Variants in KNSTRN observed in about 807,000 individuals in gnomAD.
KNSTRN encodes kinetochore localized astrin (SPAG5) binding protein, also known as small kinetochore-associated protein.
KNSTRN carries 38 observed loss-of-function variants against 44.7 expected under a neutral mutation model. The ratio of observed to expected loss-of-function variants is 0.85; its 90% CI spans 0.66 to 1.11. The LOEUF is 1.11. Among genes scored for constraint, KNSTRN ranks in the 50% most tolerant of loss-of-function variants. The pLI, the probability that KNSTRN is intolerant of heterozygous loss-of-function variation, is 0.00. For missense variants in KNSTRN, 406 were observed against 375.8 expected (o/e 1.08, Z -0.66); for synonymous variants, 158 against 148.1 (o/e 1.07, Z -0.48).
chr15:40,391,425 G>A, intron 6 of KNSTRN, 68 bp from the exon 7 acceptor site: 3 of 1,240,178 alleles, frequency 2.4e-6, no homozygotes, highest in South Asian at 2.4e-5. Flanking sequence ...GTCCACGGAG[G>A]GTTTTTATTT....
chr15:40,392,552 C>T lies in KNSTRN; in HGVS notation c.822+529C>T, dbSNP rs566334516. 6.3e-4 allele frequency among the ~76,000 whole-genome samples: 96 copies of T among 152,254 alleles called. 1 individual carries two copies. The highest frequency in any genetic ancestry group is 2.2e-3 in the African/African-American group (93 of 41,546). On this transcript the variant is annotated intron_variant, in intron 8 of 8. Coordinates refer to ENST00000249776, the MANE Select transcript of KNSTRN (RefSeq NM_033286.4). ...AAATAAAATTTAGAAAATAGCCAGGCGTGGTGGTACATACCTGTAGTCCCA... is the reference window on the plus strand; with the variant it reads ...AAATAAAATTTAGAAAATAGCCAGGTGTGGTGGTACATACCTGTAGTCCCA...
intron 4 of KNSTRN, among the ~76,000 whole-genome samples, chr15:40,388,489 A>C (rs987202038): frequency 1.3e-5 from 2 of 152,096 alleles, no homozygotes; most frequent in Non-Finnish European, 2.9e-5. Flanking sequence ...TCTCAAGGTC[A>C]GGAGACCATC....
In KNSTRN at chr15:40,382,845, C is replaced by G. The variant is rs767419116; in HGVS notation, c.10C>G (p.Pro4Ala). 1 of 1,609,748 alleles carries G rather than the reference C, an allele frequency of 6.2e-7. No homozygotes were observed. Among genetic ancestry groups the G allele is most frequent in the Non-Finnish European group, 8.5e-7 (1 of 1,179,072 alleles). Residue 4 changes from proline (P) to alanine (A), a missense_variant, in exon 1 of 9, where the codon CCC becomes GCC. Transcript: ENST00000249776. ...GAACCTTCCGTACAGTATGGCGGCT[C>G]CCGAAGCCCCGCCCCTGGACAGAGT... MAA[P>A]EAPPLDRVFR...
At chr15:40,389,046 AAGGCCTCAGGG>A in intron 4 of KNSTRN, 1 of 363,616 alleles carries the variant, frequency 2.8e-6, no homozygotes, top group South Asian at 2.0e-5. Context: ...ATGAGGAAAC[AAGGCCTCAGGG>A]AGGTTATGCA....
intron 4 of KNSTRN, among the ~76,000 whole-genome samples, chr15:40,388,433 G>C (rs1486354534): frequency 2.0e-5 from 3 of 152,210 alleles, no homozygotes; most frequent in Non-Finnish European, 4.4e-5. Flanking sequence ...CGGCGCAGTG[G>C]CTCACGCCTG....
chr15:40,389,071 C>T, intron 4 of KNSTRN: 1 of 403,822 alleles, frequency 2.5e-6, no homozygotes, highest in Non-Finnish European at 4.9e-6. Context: ...TTATGCAACT[C>T]ACTGAAGGTC....
intron 6 of KNSTRN, among the ~76,000 whole-genome samples, 184 bp downstream of exon 6, chr15:40,390,113 G>C (rs890522753): frequency 6.6e-6 from 1 of 152,198 alleles, no homozygotes; most frequent in African/African-American, 2.4e-5. Context: ...CTGGCCAATA[G>C]GATTTCAGAT....
At chr15:40,383,409 G>A (rs923311115) in intron 2 of KNSTRN, 87 bp downstream of exon 2, 4 of 998,642 alleles carry the variant, frequency 4.0e-6, no homozygotes, top group Admixed American at 2.2e-5. Flanking sequence ...GCGCGGGCAC[G>A]GGGAAGGGCG....
At chr15:40,389,005 A>G (rs1325750197) in intron 4 of KNSTRN, among the ~76,000 whole-genome samples, 1 of 152,166 alleles carries the variant, frequency 6.6e-6, no homozygotes, top group Non-Finnish European at 1.5e-5. Flanking sequence ...TAATAATACT[A>G]TGAGATGTGG....
At chr15:40,386,687 CAG>C (rs1216814318) in intron 3 of KNSTRN, 193 bp downstream of exon 3, 8 of 594,858 alleles carry the variant, frequency 1.3e-5, no homozygotes, top group Non-Finnish European at 2.3e-5. Context: ...GAGACACAGC[CAG>C]AGTTATAAGA....
chr15:40,382,774 T>TG lies in KNSTRN; in HGVS notation c.-57dup, dbSNP rs1889826581. 1 of 1,474,258 alleles carries TG rather than the reference T, an allele frequency of 6.8e-7. No individual in the cohort carries two copies. Among genetic ancestry groups the TG allele is most frequent in the South Asian group, 1.2e-5 (1 of 83,524 alleles). 91.3% of individuals were successfully genotyped at this position (1,474,258 alleles called of 1,614,324 possible). A position where few individuals can be genotyped will look rare whatever the true frequency, so the allele number is the denominator to read the frequency against. ...ATCACCCTCCTCCTCTGCCCAGACC[T>TG]GGGGGCTCCAACACCTTTCGCTAGG... On this transcript the variant is annotated 5_prime_UTR_variant, in exon 1 of 9. Transcript: ENST00000249776.
At chr15:40,385,753 A>T (rs1170942259) in intron 2 of KNSTRN, among the ~76,000 whole-genome samples, 1 of 152,188 alleles carries the variant, frequency 6.6e-6, no homozygotes, top group African/African-American at 2.4e-5. Context: ...GGCATGTTTT[A>T]CCTGCTAACT....
intron 3 of KNSTRN, chr15:40,386,815 C>T (rs1440626829): frequency 9.9e-6 from 5 of 504,220 alleles, no homozygotes; most frequent in Non-Finnish European, 1.8e-5. Flanking sequence ...TCCTAGGTTG[C>T]TGCTCTGACC....
Position 40,384,236 on chromosome 15 carries a change from T to A in KNSTRN, c.304+914T>A, listed in dbSNP as rs548405914. ...AAAAATACAAAAACTTAGCCGGGCG[T>A]GGTGGCGGGCGCCTGTAGTCCCAGC... On this transcript the variant is annotated intron_variant, in intron 2 of 8. Coordinates refer to ENST00000249776, the MANE Select transcript of KNSTRN (RefSeq NM_033286.4). 7 of 281,344 alleles carry A rather than the reference T, an allele frequency of 2.5e-5. No homozygotes were observed. In the East Asian group the frequency reaches 8.1e-4, roughly 33 times the overall value. The allele number at this position is 281,344 out of a possible 1,614,324, so 17.4% of individuals were successfully genotyped here. A position where few individuals can be genotyped will look rare whatever the true frequency, so the allele number is the denominator to read the frequency against.
intron 6 of KNSTRN, among the ~76,000 whole-genome samples, chr15:40,390,274 A>G (rs1436327812): frequency 1.3e-5 from 2 of 152,258 alleles, no homozygotes; most frequent in Admixed American, 6.5e-5. Flanking sequence ...GAAAGTTACT[A>G]GTGTGCTTGA....
chr15:40,386,888 G>A, intron 3 of KNSTRN: 1 of 551,668 alleles, frequency 1.8e-6, no homozygotes, highest in South Asian at 2.1e-5. Flanking sequence ...GGTGAGTGAG[G>A]TTGACATGAG....
Position 40,389,565 on chromosome 15 carries a change from T to C in KNSTRN, c.545T>C (p.Leu182Ser). Residue 182 changes from leucine (L) to serine (S), a missense_variant, in exon 5 of 9, where the codon TTA (leucine) becomes TCA (serine). Transcript: ENST00000249776. ...GAGCTCAAGGACAAGAACCAGCTGT[T>C]AGAAGCCGTCAACAAGCAGTTGCAC... is the stretch of plus-strand genomic sequence containing the variant. ...EEELKDKNQLLEAVNKQLHQK... is the reference protein window; with the variant it reads ...EEELKDKNQLSEAVNKQLHQK... 6.2e-7 allele frequency: 1 copy of C among 1,614,176 alleles called. No homozygotes were observed. Among genetic ancestry groups the C allele is most frequent in the Non-Finnish European group, 8.5e-7 (1 of 1,180,034 alleles).
At position 40,391,886 on chromosome 15, in the gene KNSTRN, A is replaced by G. The variant is rs1890003960; in HGVS notation, c.748-63A>G. On this transcript the variant is annotated intron_variant, in intron 7 of 8. Transcript: ENST00000249776. The stretch of plus-strand genomic sequence containing the variant: ...GAACTGTGTGGAAAGGATGTTAGCC[A>G]TCATCTAATGCAAGTCTGGTTTTAT... 7 of 1,263,222 alleles carry G rather than the reference A, an allele frequency of 5.5e-6. No individual in the cohort carries two copies. In the South Asian group the frequency reaches 6.5e-5, roughly 12 times the overall value. The allele number at this position is 1,263,222 out of a possible 1,614,324, so 78.3% of individuals were successfully genotyped here.
intron 4 of KNSTRN, among the ~76,000 whole-genome samples, chr15:40,388,714 T>G (rs554903686): frequency 6.6e-6 from 1 of 152,010 alleles, no homozygotes; most frequent in African/African-American, 2.4e-5. Flanking sequence ...AAAAAATGCC[T>G]TTAAGTGGTT....
Sources: allele counts gnomAD v4.1 joint callset (sites outside exome capture counted in the v4.1 genomes callset), GRCh38; gene constraint gnomAD v4.1.1; transcripts MANE v1.5; gene names NCBI Gene and HGNC (gene_info 2026-07-23, HGNC 2026-07-21).